The following S100Z variants were observed in gnomAD, a reference collection of about 807,000 sequenced individuals.
S100Z encodes the protein protein S100-Z.
In S100Z, 11 loss-of-function variants were observed where a neutral mutation model predicts 8.5. The observed-to-expected ratio is 1.30, with a 90% confidence interval of 0.82 to 2.15. S100Z has a LOEUF of 2.15. S100Z is among the 30% of genes most tolerant of loss of function. The pLI is 0.00. For missense variants in S100Z, 126 were observed against 117.9 expected (o/e 1.07, Z -0.32); for synonymous variants, 34 against 43.8 (o/e 0.78, Z 0.89).
chr5:76,884,070 T>C (rs902258984), intron 4 of S100Z, among the ~76,000 whole-genome samples: 13 of 152,166 alleles, frequency 8.5e-5, no homozygotes, highest in Non-Finnish European at 1.0e-4. Flanking sequence ...CGAATTTAAT[T>C]TTTGGAGCTT....
At chr5:76,911,225 G>C (rs1744645158) in intron 4 of S100Z, among the ~76,000 whole-genome samples, 1 of 152,160 alleles carries the variant, frequency 6.6e-6, no homozygotes, top group African/African-American at 2.4e-5. Context: ...ACATTTAAAA[G>C]CTCAAGGCTT....
rs369143054 is a variant in S100Z, at chr5:76,863,749, A to G, written c.-175-6417A>G. 8.0e-3 allele frequency among the ~76,000 whole-genome samples: 1,218 copies of G among 152,146 alleles called. 13 individuals are homozygous for G. Among genetic ancestry groups the G allele is most frequent in the African/African-American group, 0.024 (974 of 41,446 alleles). Reference sequence around the variant, plus strand: ...GAGACGGGGTTTCACCGTGTTAGCCAGGATGGTCTCGATCTCCTGACCTTG... The same window carrying G: ...GAGACGGGGTTTCACCGTGTTAGCCGGGATGGTCTCGATCTCCTGACCTTG... On this transcript the variant is annotated intron_variant, in intron 1 of 4. Transcript: ENST00000317593.
the S100Z span, among the ~76,000 whole-genome samples, chr5:76,949,090 T>G: frequency 2.6e-5 from 4 of 152,150 alleles, 1 homozygote; most frequent in African/African-American, 9.7e-5. Context: ...CTCCTGAAGT[T>G]AAAATAAAAG....
At chr5:76,875,018 A>G (rs1010083432) in intron 2 of S100Z, among the ~76,000 whole-genome samples, 2 of 151,684 alleles carry the variant, frequency 1.3e-5, no homozygotes, top group Non-Finnish European at 1.5e-5. Flanking sequence ...CTGAGTAGCT[A>G]GCTGGGACTA....
intron 4 of S100Z, among the ~76,000 whole-genome samples, chr5:76,888,957 C>T (rs1193135903): frequency 1.3e-5 from 2 of 152,210 alleles, no homozygotes; most frequent in Admixed American, 6.5e-5. Context: ...CGGCCACCCC[C>T]ACATGTCCCC....
intron 4 of S100Z, among the ~76,000 whole-genome samples, chr5:76,909,386 T>A (rs1048380274): frequency 6.6e-6 from 1 of 152,150 alleles, no homozygotes; most frequent in East Asian, 1.9e-4. Flanking sequence ...AATGGCCACC[T>A]GAAGGAAGTA....
chr5:76,857,830 G>C (rs2150621484), intron 1 of S100Z, among the ~76,000 whole-genome samples: 1 of 152,172 alleles, frequency 6.6e-6, no homozygotes, highest in South Asian at 2.1e-4. Context: ...CAAAGCTGCA[G>C]TCTTCTACAA....
At chr5:76,904,516 T>A (rs1036619181) in intron 4 of S100Z, among the ~76,000 whole-genome samples, 1 of 152,040 alleles carries the variant, frequency 6.6e-6, no homozygotes, top group Non-Finnish European at 1.5e-5. Context: ...CCTGACCTCA[T>A]GAGATAAAAT....
At chr5:76,948,654 C>T in the S100Z span, 1 of 152,002 alleles carries the variant, frequency 6.6e-6, no homozygotes, top group Non-Finnish European at 1.5e-5. Context: ...GTTCAGATGG[C>T]TATCATCAAA....
the S100Z span, among the ~76,000 whole-genome samples, chr5:76,951,325 A>G: frequency 1.3e-5 from 2 of 152,198 alleles, no homozygotes; most frequent in Non-Finnish European, 2.9e-5. Context: ...GTGTGTGTGC[A>G]CATGTGCACA....
chr5:76,875,422 C>T lies in S100Z; in HGVS notation c.63C>T (p.Gly21=). The T allele has an allele frequency of 6.2e-7, 1 of 1,613,036 alleles. No homozygotes were observed. The highest frequency in any genetic ancestry group is 8.5e-7 in the Non-Finnish European group (1 of 1,179,482). The change falls in exon 3 of 5, where the codon GGC becomes GGT. Residue 21 remains glycine, a synonymous_variant. Coordinates refer to ENST00000317593, the MANE Select transcript of S100Z (RefSeq NM_130772.4). ...TTAGAATCTTCCACCGCTATTCTGG[C>T]AAGGAAAGGAAGAGATTCAAGCTCA... ...TMIRIFHRYS[G]KERKRFKLSK...
chr5:76,907,899 C>G lies in S100Z; in HGVS notation c.*3-12818C>G, dbSNP rs1744512353. ...ATCCTAGCAGTTTGGGAGGCCAAGGCAGGCATATCACTTGAGCCCAGGAGT... is the reference window on the plus strand; with the variant it reads ...ATCCTAGCAGTTTGGGAGGCCAAGGGAGGCATATCACTTGAGCCCAGGAGT... On this transcript the variant is annotated intron_variant, in intron 4 of 4. Coordinates refer to ENST00000317593, the MANE Select transcript of S100Z (RefSeq NM_130772.4). 2.0e-5 allele frequency among the ~76,000 whole-genome samples: 3 copies of G among 152,120 alleles called. No homozygotes were observed. The South Asian group carries it at 6.2e-4, about 31-fold the overall frequency.
intron 4 of S100Z, among the ~76,000 whole-genome samples, chr5:76,884,540 T>C (rs1580021705): frequency 1.3e-5 from 2 of 152,278 alleles, no homozygotes; most frequent in South Asian, 4.1e-4. Context: ...TCGGAATTCC[T>C]GTATATATTT....
intron 2 of S100Z, among the ~76,000 whole-genome samples, chr5:76,870,739 A>G (rs903385396): frequency 3.3e-5 from 5 of 152,144 alleles, no homozygotes; most frequent in African/African-American, 9.7e-5. Context: ...GCCAAGAAAT[A>G]TAATCTTGGG....
intron 4 of S100Z, among the ~76,000 whole-genome samples, chr5:76,894,594 ATT>A (rs544776998): frequency 2.1e-4 from 29 of 141,194 alleles, no homozygotes; most frequent in African/African-American, 3.9e-4. Context: ...GGTGATTTAA[ATT>A]TTTTTTTTTT....
At chr5:76,872,345 C>G (rs770511658) in intron 2 of S100Z, among the ~76,000 whole-genome samples, 1 of 152,062 alleles carries the variant, frequency 6.6e-6, no homozygotes, top group Non-Finnish European at 1.5e-5. Context: ...TCACTCATAT[C>G]GGCTCAAAAT....
At chr5:76,886,461 G>A (rs780577205) in intron 4 of S100Z, among the ~76,000 whole-genome samples, 18 of 152,330 alleles carry the variant, frequency 1.2e-4, no homozygotes, top group Non-Finnish European at 2.5e-4. Flanking sequence ...TAAAATCGGT[G>A]AGATGTTCCT....
At chr5:76,893,702 A>G (rs1741190259) in intron 4 of S100Z, among the ~76,000 whole-genome samples, 1 of 152,164 alleles carries the variant, frequency 6.6e-6, no homozygotes. Context: ...TTTCTTAGGG[A>G]CTAAAAAGAG....
intron 4 of S100Z, among the ~76,000 whole-genome samples, chr5:76,906,207 G>A (rs1316965526): frequency 3.3e-5 from 5 of 152,192 alleles, no homozygotes; most frequent in Non-Finnish European, 7.3e-5. Flanking sequence ...GGTAGACAAC[G>A]TGATGTTTTG....
Sources: gnomAD v4.1 joint callset for allele counts (sites outside exome capture counted in the v4.1 genomes callset) on GRCh38, gnomAD v4.1.1 for gene constraint, MANE v1.5 for transcripts, NCBI Gene and HGNC (gene_info 2026-07-23, HGNC 2026-07-21) for gene names.